Variants in DEAF1 observed in about 807,000 individuals in gnomAD.
DEAF1 encodes deformed epidermal autoregulatory factor 1 homolog.
A neutral mutation model predicts 58.9 loss-of-function variants in DEAF1; 53 were observed. That is an observed-to-expected ratio of 0.90 (90% confidence interval 0.72 to 1.13). DEAF1 has a LOEUF of 1.13. DEAF1 is among the 50% of genes most tolerant of loss of function. The pLI, the probability that DEAF1 is intolerant of heterozygous loss-of-function variation, is 0.00. For synonymous variants in DEAF1, 385 were observed against 340.4 expected (o/e 1.13, Z -1.44); for missense variants, 685 against 791.4 (o/e 0.87, Z 1.61).
intron 11 of DEAF1, among the ~76,000 whole-genome samples, chr11:652,899 C>G (rs559471927): frequency 1.1e-4 from 16 of 151,936 alleles, no homozygotes; most frequent in Middle Eastern, 6.9e-3. Context: ...GCTTGCCCAA[C>G]GTGGTGAGAC....
Position 644,688 on chromosome 11 carries a change from C to A in DEAF1, c.1594-34G>T. 6.5e-7 allele frequency: 1 copy of A among 1,542,138 alleles called. No homozygotes were observed. The highest frequency in any genetic ancestry group is 1.2e-5 in the South Asian group (1 of 86,320). ...GAGGACACACCCATGTCAGCAGGGTCAGTGGGTGGAGCAGGGTCTGGGCAG... is the reference window on the plus strand; with the variant it reads ...GAGGACACACCCATGTCAGCAGGGTAAGTGGGTGGAGCAGGGTCTGGGCAG... On this transcript the variant is annotated intron_variant, in intron 11 of 11. Transcript: ENST00000382409. The surrounding 1 kb of genome is among the most constrained non-coding windows in gnomAD (Gnocchi z 4.3).
chr11:687,873 G>A lies in DEAF1; in HGVS notation c.664+38C>T, dbSNP rs767422944. ...AATTTATGCTAGGGGGGTTACAAAG[G>A]GGAATACAACTTTGGAGTCTGAAGT... On this transcript the variant is annotated intron_variant, in intron 4 of 11. Transcript: ENST00000382409. 5.0e-6 allele frequency: 8 copies of A among 1,613,262 alleles called. No homozygotes were observed. In the South Asian group the frequency reaches 8.8e-5, roughly 18 times the overall value.
At chr11:704,310 C>T (rs1280569344) in intron 1 of DEAF1, 8 of 733,224 alleles carry the variant, frequency 1.1e-5, no homozygotes, top group Non-Finnish European at 1.6e-5. Flanking sequence ...CCTGGGCCTC[C>T]ACTGGGGCTC....
At chr11:696,940 G>A (rs566008369), upstream of DEAF1, among the ~76,000 whole-genome samples, 1 of 150,706 alleles carries the variant, frequency 6.6e-6, no homozygotes, top group Non-Finnish European at 1.5e-5. Flanking sequence ...TTAGCCTGGC[G>A]TGATGGTGCA....
chr11:651,604 C>T (rs1482923722), intron 11 of DEAF1, among the ~76,000 whole-genome samples: 2 of 152,060 alleles, frequency 1.3e-5, no homozygotes, highest in African/African-American at 2.4e-5. Context: ...GATAATTCAG[C>T]TGGGCACGGT....
intron 11 of DEAF1, among the ~76,000 whole-genome samples, chr11:653,569 A>G (rs1303906053): frequency 7.2e-6 from 1 of 139,320 alleles, no homozygotes; most frequent in South Asian, 2.4e-4. Context: ...GTGGCTCTGC[A>G]GGGGTGTGGA....
chr11:686,489 G>T (rs1477376385), intron 5 of DEAF1, among the ~76,000 whole-genome samples: 1 of 152,168 alleles, frequency 6.6e-6, no homozygotes, highest in African/African-American at 2.4e-5. Context: ...AGACTGACGA[G>T]AAGTTAGGTG....
intron 7 of DEAF1, 60 bp downstream of exon 7, chr11:680,903 A>G: frequency 6.2e-7 from 1 of 1,612,458 alleles, no homozygotes; most frequent in African/African-American, 1.3e-5. Flanking sequence ...AGTGGTGACG[A>G]GAGAAGGCAA....
At chr11:667,335 A>AG (rs1554939520) in intron 10 of DEAF1, among the ~76,000 whole-genome samples, 1 of 135,460 alleles carries the variant, frequency 7.4e-6, no homozygotes, top group African/African-American at 2.8e-5. Flanking sequence ...GAAAGAAAAA[A>AG]GAAGGAAGGA....
rs531452568 is a variant in DEAF1, at chr11:688,145, G to A, written c.518-88C>T. On this transcript the variant is annotated intron_variant, in intron 3 of 11. Coordinates refer to ENST00000382409, the MANE Select transcript of DEAF1 (RefSeq NM_021008.4). This position sits in a 1 kb window ranked among gnomAD's most constrained non-coding sequence, Gnocchi z 4.3. ...TCTCAGACACCACCTCCCCGGCAGCGCCACCTCCTTCAACGGCGGAAAAAC... is the reference window on the plus strand; with the variant it reads ...TCTCAGACACCACCTCCCCGGCAGCACCACCTCCTTCAACGGCGGAAAAAC... The A allele has an allele frequency of 1.6e-5, 26 of 1,582,242 alleles. No individual in the cohort carries two copies. Among genetic ancestry groups the A allele is most frequent in the Admixed American group, 3.5e-5 (2 of 57,876 alleles).
At position 645,393 on chromosome 11, in the gene DEAF1, C is replaced by G. The variant is rs576646104; in HGVS notation, c.1594-739G>C. Among the ~76,000 whole-genome samples, 320 of 151,746 alleles carry G rather than the reference C, an allele frequency of 2.1e-3. 3 individuals are homozygous for G. Among genetic ancestry groups the G allele is most frequent in the African/African-American group, 7.3e-3 (303 of 41,382 alleles). The stretch of plus-strand genomic sequence containing the variant: ...AGTGTAACGCGCAATCTCGGCTCAC[C>G]ACGACCTCTGCCTCCTGGGTTCAAG... On this transcript the variant is annotated intron_variant, in intron 11 of 11. Transcript: ENST00000382409.
At chr11:676,903 AAC>A (rs950913296) in intron 9 of DEAF1, among the ~76,000 whole-genome samples, 9 of 152,314 alleles carry the variant, frequency 5.9e-5, no homozygotes, top group African/African-American at 2.2e-4. Flanking sequence ...CATGGTTTTC[AAC>A]ACACACAGAT....
In DEAF1 at chr11:705,246, G is replaced by A. The variant is rs541897261; in HGVS notation, c.-438+1326C>T. 8.0e-5 allele frequency: 13 copies of A among 162,466 alleles called. No homozygotes were observed. In the South Asian group the frequency reaches 8.1e-4, roughly 10 times the overall value. 10.1% of individuals were successfully genotyped at this position (162,466 alleles called of 1,614,324 possible). A position where few individuals can be genotyped will look rare whatever the true frequency, so the allele number is the denominator to read the frequency against. The stretch of plus-strand genomic sequence containing the variant: ...CCACCCCTACCCAGGACCGGCAGCC[G>A]GAGCCTTGGGTCCCTGCATGGGCCT... On this transcript the variant is annotated intron_variant, in intron 1 of 11. Coordinates refer to the DEAF1 transcript ENST00000683307.
Position 688,069 on chromosome 11 carries a change from A to G in DEAF1, c.518-12T>C. The G allele has an allele frequency of 6.2e-7, 1 of 1,613,804 alleles. No individual in the cohort carries two copies. Among genetic ancestry groups the G allele is most frequent in the Non-Finnish European group, 8.5e-7 (1 of 1,179,920 alleles). On this transcript the variant is annotated splice_polypyrimidine_tract_variant and intron_variant, in intron 3 of 11. Coordinates refer to ENST00000382409, the MANE Select transcript of DEAF1 (RefSeq NM_021008.4). The surrounding 1 kb of genome is among the most constrained non-coding windows in gnomAD (Gnocchi z 4.3). ...AGGAGACTGAGGACCTTGGGCAGAG[A>G]AAGTGTTTGAAGGTGAGAGGCCGGA... is the stretch of plus-strand genomic sequence containing the variant.
intron 2 of DEAF1, among the ~76,000 whole-genome samples, chr11:690,220 T>C (rs1177428163): frequency 2.5e-5 from 2 of 79,562 alleles, no homozygotes; most frequent in South Asian, 5.1e-4. Context: ...AGAAAGACTC[T>C]GTCAAAAAGG....
At chr11:666,506 A>G (rs1299843857) in intron 10 of DEAF1, 2 of 152,112 alleles carry the variant, frequency 1.3e-5, no homozygotes, top group East Asian at 1.9e-4. Context: ...GAGATTGTGA[A>G]CATCCTGGCT....
At chr11:651,827 G>A (rs11246241) in intron 11 of DEAF1, among the ~76,000 whole-genome samples, 6,224 of 152,288 alleles carry the variant, frequency 0.041, 210 homozygotes, top group East Asian at 0.17. Flanking sequence ...CGGAGCTTGC[G>A]GTGAGCTGAG....
rs374775106 is a variant in DEAF1, at chr11:694,874, C to T, written c.174G>A (p.Arg58=). The T allele has an allele frequency of 4.7e-6, 7 of 1,501,912 alleles. No homozygotes were observed. The highest frequency in any genetic ancestry group is 1.4e-5 in the African/African-American group (1 of 69,538). 93.0% of individuals were successfully genotyped at this position (1,501,912 alleles called of 1,614,324 possible). ...CCACTGCCGTGACCCGCGGCGTCTC[C>T]CGCTCCGCCTCCGAGTCTGCGTCCT... is the stretch of plus-strand genomic sequence containing the variant. ...SEEDADSEAE[R]ETPRVTAVAV... Residue 58 remains arginine, a synonymous_variant, in exon 1 of 12, where the codon CGG becomes CGA. Coordinates refer to ENST00000382409, the MANE Select transcript of DEAF1 (RefSeq NM_021008.4).
intron 10 of DEAF1, among the ~76,000 whole-genome samples, chr11:658,313 C>A (rs1278914259): frequency 6.6e-6 from 1 of 152,112 alleles, no homozygotes; most frequent in Non-Finnish European, 1.5e-5. Flanking sequence ...CCTGTACTCC[C>A]GGCTACTCGC....
Sources: gnomAD v4.1 joint callset for allele counts (sites outside exome capture counted in the v4.1 genomes callset) on GRCh38, gnomAD v4.1.1 for gene constraint, Gnocchi (gnomAD v3.1) non-coding constraint, MANE v1.5 for transcripts, NCBI Gene and HGNC (gene_info 2026-07-23, HGNC 2026-07-21) for gene names.